MLXIPL: variants seen among roughly 807,000 people sequenced by gnomAD.
MLXIPL encodes the protein carbohydrate-responsive element-binding protein.
Under a neutral mutation model 81.5 loss-of-function variants are expected in MLXIPL, and 49 were observed. The ratio of observed to expected loss-of-function variants is 0.60; its 90% CI spans 0.48 to 0.76. The LOEUF is 0.76. MLXIPL is among the 30% of genes least tolerant of loss of function. The pLI is 0.00. For synonymous variants in MLXIPL, 466 were observed against 485.5 expected (o/e 0.96, Z 0.53); for missense variants, 1,053 against 1,167.0 (o/e 0.90, Z 1.42).
At position 73,599,556 on chromosome 7, in the gene MLXIPL, C is replaced by T; in HGVS notation, c.1041G>A (p.Met347Ile). ...GACGGCTGTGTCCAGAGAGGTGGGTCATGGCCGAGGAAGCCGGGGGCACCT... is the reference window on the plus strand; with the variant it reads ...GACGGCTGTGTCCAGAGAGGTGGGTTATGGCCGAGGAAGCCGGGGGCACCT... ...GPEVPPASSA[M>I]THLSGHSRLQ... Residue 347 changes from methionine (M) to isoleucine (I), a missense_variant, in exon 8 of 17, where the codon ATG (methionine) becomes ATA (isoleucine). Physicochemically the swap from Met to Ile is conservative, Grantham distance 10. This residue lies in a region of MLXIPL where 823 missense variants were observed against 933.0 expected (regional missense o/e 0.88). Coordinates refer to ENST00000313375, the MANE Select transcript of MLXIPL (RefSeq NM_032951.3). 6.2e-7 allele frequency: 1 copy of T among 1,613,042 alleles called. No individual in the cohort carries two copies.
Position 73,596,843 on chromosome 7 carries a change from C to T in MLXIPL, c.1671+22G>A, listed in dbSNP as rs373584954. On this transcript the variant is annotated intron_variant, in intron 10 of 16. Coordinates refer to ENST00000313375, the MANE Select transcript of MLXIPL (RefSeq NM_032951.3). The surrounding 1 kb of genome is among the most constrained non-coding windows in gnomAD (Gnocchi z 4.7). Reference sequence around the variant, plus strand: ...TTGAAGGCCGTGGGCACAGCCCCACCGCCCAGTGCCCGAGATCTTACCGGG... The same window carrying T: ...TTGAAGGCCGTGGGCACAGCCCCACTGCCCAGTGCCCGAGATCTTACCGGG... 5.3e-4 allele frequency: 851 copies of T among 1,609,488 alleles called. No homozygotes were observed. Among genetic ancestry groups the T allele is most frequent in the Non-Finnish European group, 6.7e-4 (784 of 1,178,718 alleles).
chr7:73,596,433 A>G lies in MLXIPL; in HGVS notation c.1869T>C (p.Pro623=), dbSNP rs781882652. 2 of 1,612,820 alleles carry G rather than the reference A, an allele frequency of 1.2e-6. No individual in the cohort carries two copies. The highest frequency in any genetic ancestry group is 1.7e-6 in the Non-Finnish European group (2 of 1,179,946). The change falls in exon 12 of 17, where the codon CCT becomes CCC. Residue 623 remains proline, a synonymous_variant. Coordinates refer to ENST00000313375, the MANE Select transcript of MLXIPL (RefSeq NM_032951.3). This position sits in a 1 kb window ranked among gnomAD's most constrained non-coding sequence, Gnocchi z 4.7. ...GAGAGACACGGACGCTCAGAGTCCCAGGGCCTGGCATGGAGCTGAGGTCCC... is the reference window on the plus strand; with the variant it reads ...GAGAGACACGGACGCTCAGAGTCCCGGGGCCTGGCATGGAGCTGAGGTCCC... ...LSGDLSSMPG[P]GTLSVRVSPP...
chr7:73,616,108 G>A lies in MLXIPL; in HGVS notation c.363C>T (p.Arg121=), dbSNP rs1795994472. The change falls in exon 2 of 17, where the codon CGC becomes CGT. Residue 121 remains arginine, a synonymous_variant. Coordinates refer to ENST00000313375, the MANE Select transcript of MLXIPL (RefSeq NM_032951.3). ...AGGCCCTCCAGATGGCGTTGTTCAG[G>A]CGGATCTTGTCTCTGCAGAGCAGCT... ...GLKLLCRDKI[R]LNNAIWRAWY... is the part of the protein sequence containing the mutation. 1 of 1,614,022 alleles carries A rather than the reference G, an allele frequency of 6.2e-7. No individual in the cohort carries two copies. Among genetic ancestry groups the A allele is most frequent in the African/African-American group, 1.3e-5 (1 of 75,014 alleles).
chr7:73,626,026 C>T (rs543882619), upstream of MLXIPL, among the ~76,000 whole-genome samples: 16 of 152,202 alleles, frequency 1.1e-4, no homozygotes, highest in South Asian at 4.1e-4. Context: ...TGTTTTGAGA[C>T]GGAGGCTCAC....
rs948320920 is a variant in MLXIPL at position 73,593,539 on chromosome 7, C to T, written c.*326G>A. The T allele has an allele frequency of 3.7e-5, 13 of 349,014 alleles. No homozygotes were observed. The highest frequency in any genetic ancestry group is 5.0e-5 in the Non-Finnish European group (9 of 178,924). The allele number at this position is 349,014 out of a possible 1,614,324, so 21.6% of individuals were successfully genotyped here. On this transcript the variant is annotated 3_prime_UTR_variant, in exon 17 of 17. Transcript: ENST00000313375. ...AGTTGCCAGCCTAGGCCCCCAATGTCACAGCTGCCAAGGCCTGGGGGTCAT... is the reference window on the plus strand; with the variant it reads ...AGTTGCCAGCCTAGGCCCCCAATGTTACAGCTGCCAAGGCCTGGGGGTCAT...
intron 5 of MLXIPL, chr7:73,606,640 G>T: frequency 2.8e-6 from 1 of 357,600 alleles, no homozygotes; most frequent in Non-Finnish European, 5.4e-6. Flanking sequence ...TGGCCAGGCT[G>T]GTCTCGAACT....
chr7:73,604,603 TAGA>T (rs1381721537), intron 7 of MLXIPL, among the ~76,000 whole-genome samples: 2 of 151,698 alleles, frequency 1.3e-5, no homozygotes, highest in Non-Finnish European at 2.9e-5. Flanking sequence ...TAAAATAAAA[TAGA>T]AACATAACAG....
intron 1 of MLXIPL, among the ~76,000 whole-genome samples, chr7:73,621,328 C>T (rs932109104): frequency 6.6e-5 from 10 of 151,790 alleles, no homozygotes; most frequent in East Asian, 1.9e-4. Flanking sequence ...CCATGGAAGA[C>T]GGCCTCCTCG....
At chr7:73,628,577 C>T (rs1796788315), upstream of MLXIPL, among the ~76,000 whole-genome samples, 1 of 152,034 alleles carries the variant, frequency 6.6e-6, no homozygotes, top group South Asian at 2.1e-4. Flanking sequence ...CTCACTGCAG[C>T]CTCAAACTCC....
Position 73,593,430 on chromosome 7 carries a change from C to G in MLXIPL, c.*435G>C, listed in dbSNP as rs984669555. Reference sequence around the variant, plus strand: ...CCTTTTCTGCTTCTCTGCTCAGGAACAGAGGTCTGTGCCCCACCTGTCGGG... The same window carrying G: ...CCTTTTCTGCTTCTCTGCTCAGGAAGAGAGGTCTGTGCCCCACCTGTCGGG... On this transcript the variant is annotated 3_prime_UTR_variant, in exon 17 of 17. Transcript: ENST00000313375. 1.8e-5 allele frequency: 5 copies of G among 271,572 alleles called. No individual in the cohort carries two copies. The highest frequency in any genetic ancestry group is 1.6e-4 in the South Asian group (4 of 25,088). 16.8% of individuals were successfully genotyped at this position (271,572 alleles called of 1,614,324 possible).
At chr7:73,602,768 G>A (rs920871582) in intron 7 of MLXIPL, among the ~76,000 whole-genome samples, 3 of 152,302 alleles carry the variant, frequency 2.0e-5, no homozygotes, top group East Asian at 1.9e-4. Context: ...CTAGGTCCCC[G>A]AGGCCCTGGC....
At chr7:73,627,347 C>T (rs1384652920), upstream of MLXIPL, among the ~76,000 whole-genome samples, 1 of 151,708 alleles carries the variant, frequency 6.6e-6, no homozygotes, top group Non-Finnish European at 1.5e-5. Context: ...CTCCCGGGCT[C>T]AAGCGATTCT....
At chr7:73,604,683 T>C in intron 7 of MLXIPL, among the ~76,000 whole-genome samples, 1 of 152,172 alleles carries the variant, frequency 6.6e-6, no homozygotes, top group Non-Finnish European at 1.5e-5. Flanking sequence ...TCAGTGATGG[T>C]GACTTGGGAG....
At chr7:73,625,436 G>T (rs546549239), upstream of MLXIPL, among the ~76,000 whole-genome samples, 3 of 152,182 alleles carry the variant, frequency 2.0e-5, no homozygotes, top group Non-Finnish European at 2.9e-5. Context: ...CCCACAGGAG[G>T]TTGCTAACAC....
the MLXIPL span, among the ~76,000 whole-genome samples, chr7:73,645,966 C>T: frequency 6.6e-6 from 1 of 152,168 alleles, no homozygotes; most frequent in South Asian, 2.1e-4. Context: ...GCAGTAAATG[C>T]ATAGCAAACC....
At chr7:73,647,469 C>A in the MLXIPL span, among the ~76,000 whole-genome samples, 1 of 152,162 alleles carries the variant, frequency 6.6e-6, no homozygotes, top group Non-Finnish European at 1.5e-5. Flanking sequence ...GGAAGCCCAG[C>A]CCAGTCCAGC....
In MLXIPL at chr7:73,624,479, A is replaced by G; in HGVS notation, c.14T>C (p.Leu5Pro). The change falls in exon 1 of 17, where the codon CTG (leucine) becomes CCG (proline). Residue 5 changes from leucine to proline, a missense_variant. This residue lies in a region of MLXIPL where 226 missense variants were observed against 216.2 expected (regional missense o/e 1.05). Coordinates refer to ENST00000313375, the MANE Select transcript of MLXIPL (RefSeq NM_032951.3). The part of the protein sequence containing the change: MAGA[L>P]AGLAAGLQVP... ...CTGCAAGCCCGCGGCCAGACCTGCC[A>G]GCGCGCCGGCCATGGCTGTCGCCGC... The G allele has an allele frequency of 6.5e-7, 1 of 1,530,126 alleles. No individual in the cohort carries two copies. Among genetic ancestry groups the G allele is most frequent in the Non-Finnish European group, 8.7e-7 (1 of 1,145,272 alleles). 94.8% of individuals were successfully genotyped at this position (1,530,126 alleles called of 1,614,324 possible).
At chr7:73,643,513 CAAA>C in the MLXIPL span, among the ~76,000 whole-genome samples, 10 of 62,070 alleles carry the variant, frequency 1.6e-4, no homozygotes, top group Admixed American at 1.8e-4. Flanking sequence ...GACTCCGTCT[CAAA>C]AAAAAAAAAA....
intron 16 of MLXIPL, 44 bp downstream of exon 16, chr7:73,594,230 C>T: frequency 6.2e-7 from 1 of 1,608,684 alleles, no homozygotes; most frequent in Non-Finnish European, 8.5e-7. Context: ...CCCTCCACCC[C>T]CGAGGCTGGG....
Sources: allele counts gnomAD v4.1 joint callset (sites outside exome capture counted in the v4.1 genomes callset), GRCh38; gene constraint gnomAD v4.1.1; regional missense constraint gnomAD v4.1.1; non-coding constraint Gnocchi (gnomAD v3.1); transcripts MANE v1.5; gene names NCBI Gene and HGNC (gene_info 2026-07-23, HGNC 2026-07-21).